Variants in SH3BGRL2 observed in about 807,000 individuals in gnomAD.
The protein encoded by SH3BGRL2 is SH3 domain-binding glutamic acid-rich-like protein 2.
SH3BGRL2 carries 21 observed loss-of-function variants against 14.8 expected under a neutral mutation model. That is an observed-to-expected ratio of 1.42 (90% CI 1.01 to 2.05). SH3BGRL2 has a LOEUF of 2.05. SH3BGRL2 is among the 30% of genes most tolerant of loss of function. SH3BGRL2 has a pLI of 0.00. For synonymous variants in SH3BGRL2, 50 were observed against 47.8 expected (o/e 1.05, Z -0.19); for missense variants, 147 against 130.8 (o/e 1.12, Z -0.61).
chr6:79,597,536 A>G, the SH3BGRL2 span, among the ~76,000 whole-genome samples: 48 of 152,296 alleles, frequency 3.2e-4, no homozygotes, highest in African/African-American at 1.1e-3. Flanking sequence ...AGTCTTTTCA[A>G]GAAATGGTGC....
At chr6:79,540,456 TAAAA>T in the SH3BGRL2 span, among the ~76,000 whole-genome samples, 2 of 150,986 alleles carry the variant, frequency 1.3e-5, no homozygotes, top group African/African-American at 4.8e-5. Flanking sequence ...AATAAATAAA[TAAAA>T]TAAATAAATA....
At chr6:79,698,320 C>T (rs1443292046) in intron 3 of SH3BGRL2, among the ~76,000 whole-genome samples, 2 of 152,142 alleles carry the variant, frequency 1.3e-5, no homozygotes, top group Admixed American at 6.5e-5. Flanking sequence ...AGCATTTTCT[C>T]TCTTCTAATC....
rs560701601 is a variant in SH3BGRL2 at position 79,703,093 on chromosome 6, A to C, written c.*3584A>C. The C allele has an allele frequency of 6.6e-6, 1 of 152,218 alleles. No homozygotes were observed. Among genetic ancestry groups the C allele is most frequent in the African/African-American group, 2.4e-5 (1 of 41,460 alleles). The allele number at this position is 152,218 out of a possible 1,614,324, so 9.4% of individuals were successfully genotyped here. A position where few individuals can be genotyped will look rare whatever the true frequency, so the allele number is the denominator to read the frequency against. On this transcript the variant is annotated 3_prime_UTR_variant, in exon 4 of 4. Transcript: ENST00000369838. The stretch of plus-strand genomic sequence containing the variant: ...ATGATCACTGCCTACTTGTGATTCA[A>C]ATCTTCAGAGTTTTCCTAGTTCTTC...
the SH3BGRL2 span, among the ~76,000 whole-genome samples, chr6:79,616,688 G>C: frequency 2.0e-5 from 3 of 152,302 alleles, no homozygotes; most frequent in East Asian, 5.8e-4. Flanking sequence ...CTGGTCCAGA[G>C]TCTGCACTCA....
the SH3BGRL2 span, among the ~76,000 whole-genome samples, chr6:79,586,995 TGG>T: frequency 6.6e-6 from 1 of 152,210 alleles, no homozygotes; most frequent in South Asian, 2.1e-4. Context: ...GACTCAGTTC[TGG>T]GGGGTAATCC....
At chr6:79,681,368 C>T (rs548641650) in intron 2 of SH3BGRL2, among the ~76,000 whole-genome samples, 5 of 152,074 alleles carry the variant, frequency 3.3e-5, no homozygotes, top group African/African-American at 9.6e-5. Context: ...TAGCATTGGA[C>T]GAGTTGCTAA....
At chr6:79,679,663 A>G (rs1238291910) in intron 2 of SH3BGRL2, among the ~76,000 whole-genome samples, 2 of 152,136 alleles carry the variant, frequency 1.3e-5, no homozygotes, top group Admixed American at 1.3e-4. Context: ...ACTATTTTCT[A>G]TAGCAATTGT....
the SH3BGRL2 span, among the ~76,000 whole-genome samples, chr6:79,625,892 C>A: frequency 6.6e-6 from 1 of 152,146 alleles, no homozygotes; most frequent in African/African-American, 2.4e-5. Context: ...TCTGGCCTAC[C>A]CCTTCCCTTA....
At chr6:79,599,147 A>G in the SH3BGRL2 span, among the ~76,000 whole-genome samples, 3 of 152,060 alleles carry the variant, frequency 2.0e-5, no homozygotes, top group Non-Finnish European at 4.4e-5. Context: ...AAACAATGTT[A>G]TAGTATTTTA....
At chr6:79,629,144 C>A (rs930927557), upstream of SH3BGRL2, among the ~76,000 whole-genome samples, 4 of 152,152 alleles carry the variant, frequency 2.6e-5, no homozygotes, top group Admixed American at 2.0e-4. Context: ...GTTTGAGGAC[C>A]CTTAGATTAC....
the SH3BGRL2 span, among the ~76,000 whole-genome samples, chr6:79,597,699 A>G: frequency 0.78 from 118,604 of 152,092 alleles, 46,489 homozygotes; most frequent in East Asian, 0.97. Flanking sequence ...GACTTTGAAC[A>G]TGGCAATGAT....
At chr6:79,680,578 AT>A (rs1189169800) in intron 2 of SH3BGRL2, among the ~76,000 whole-genome samples, 2 of 152,124 alleles carry the variant, frequency 1.3e-5, no homozygotes, top group Admixed American at 1.3e-4. Flanking sequence ...TGCCATATCA[AT>A]TTTAGGATGA....
chr6:79,607,381 C>T, the SH3BGRL2 span, among the ~76,000 whole-genome samples: 1 of 152,162 alleles, frequency 6.6e-6, no homozygotes, highest in Non-Finnish European at 1.5e-5. Flanking sequence ...TCCCAGTGTA[C>T]CAGGCAGAAG....
At chr6:79,676,973 C>T (rs764981225) in intron 2 of SH3BGRL2, among the ~76,000 whole-genome samples, 2 of 152,084 alleles carry the variant, frequency 1.3e-5, no homozygotes, top group Non-Finnish European at 2.9e-5. Context: ...TGTGCTTGAA[C>T]GGTGTTAGTC....
chr6:79,680,365 A>G (rs1243208670), intron 2 of SH3BGRL2, among the ~76,000 whole-genome samples: 4 of 152,092 alleles, frequency 2.6e-5, no homozygotes, highest in African/African-American at 7.2e-5. Context: ...TGGTCTTGGT[A>G]TGCTTGTCTG....
At chr6:79,567,748 C>T in the SH3BGRL2 span, among the ~76,000 whole-genome samples, 1 of 152,250 alleles carries the variant, frequency 6.6e-6, no homozygotes, top group East Asian at 1.9e-4. Flanking sequence ...ATAAATACAA[C>T]TATCAAAATT....
chr6:79,602,670 A>G, the SH3BGRL2 span, among the ~76,000 whole-genome samples: 1 of 152,200 alleles, frequency 6.6e-6, no homozygotes, highest in East Asian at 1.9e-4. Flanking sequence ...TTAAGGATAC[A>G]TGCCTACCTA....
At chr6:79,613,284 T>G in the SH3BGRL2 span, among the ~76,000 whole-genome samples, 9 of 152,226 alleles carry the variant, frequency 5.9e-5, no homozygotes, top group Non-Finnish European at 1.0e-4. Context: ...TGCATCAAAA[T>G]CCAACTGTTC....
At chr6:79,544,786 T>A in the SH3BGRL2 span, among the ~76,000 whole-genome samples, 1 of 152,232 alleles carries the variant, frequency 6.6e-6, no homozygotes, top group African/African-American at 2.4e-5. Context: ...GTGTAGCAGA[T>A]ACTGGTTCCT....
Sources: gnomAD v4.1 joint callset for allele counts (sites outside exome capture counted in the v4.1 genomes callset) on GRCh38, gnomAD v4.1.1 for gene constraint, MANE v1.5 for transcripts, NCBI Gene and HGNC (gene_info 2026-07-23, HGNC 2026-07-21) for gene names.